The following PCDH9 variants were observed in gnomAD, a reference collection of about 807,000 sequenced individuals.
PCDH9 encodes protocadherin 9.
PCDH9 carries 24 observed loss-of-function variants against 70.6 expected under a neutral mutation model. The observed-to-expected ratio is 0.34, with a 90% CI of 0.25 to 0.48. The LOEUF (loss-of-function observed/expected upper bound fraction) is 0.48. Among genes scored for constraint, PCDH9 ranks in the 20% least tolerant of loss-of-function variants. The pLI is 0.99. For synonymous variants in PCDH9, 562 were observed against 558.5 expected (o/e 1.01, Z -0.09); for missense variants, 1,281 against 1,503.6 (o/e 0.85, Z 2.45).
At chr13:66,620,788 C>T (rs976858881) in intron 4 of PCDH9, among the ~76,000 whole-genome samples, 1 of 151,842 alleles carries the variant, frequency 6.6e-6, no homozygotes, top group Admixed American at 6.5e-5. Flanking sequence ...ATTTCAGGAA[C>T]CTCACAAATT....
chr13:66,995,165 TTAGA>T (rs1460354178), intron 2 of PCDH9, among the ~76,000 whole-genome samples: 2 of 152,190 alleles, frequency 1.3e-5, no homozygotes, highest in Non-Finnish European at 2.9e-5. Flanking sequence ...TTATTAAATG[TTAGA>T]TAGAATAAAT....
At chr13:66,648,493 T>C (rs1284184202) in intron 3 of PCDH9, among the ~76,000 whole-genome samples, 1 of 152,242 alleles carries the variant, frequency 6.6e-6, no homozygotes, top group African/African-American at 2.4e-5. Flanking sequence ...AGAGCCACAG[T>C]GTTACTGACC....
At chr13:66,316,337 T>C (rs944146529) in intron 4 of PCDH9, among the ~76,000 whole-genome samples, 2 of 152,198 alleles carry the variant, frequency 1.3e-5, no homozygotes, top group Admixed American at 6.5e-5. Context: ...TGGGGGACTA[T>C]TATTCAGACT....
intron 3 of PCDH9, among the ~76,000 whole-genome samples, chr13:66,643,504 T>C (rs909292009): frequency 6.6e-6 from 1 of 152,076 alleles, no homozygotes; most frequent in Admixed American, 6.6e-5. Flanking sequence ...ACTTGCCCTA[T>C]GGCTTTTTAG....
intron 4 of PCDH9, among the ~76,000 whole-genome samples, chr13:66,525,010 A>G (rs1960152487): frequency 6.6e-6 from 1 of 152,040 alleles, no homozygotes; most frequent in Non-Finnish European, 1.5e-5. Context: ...GAGAGCATGA[A>G]CATGTGCTTG....
rs570096027 is a variant in PCDH9, at chr13:66,305,940, G to A, written c.3341-912C>T. On this transcript the variant is annotated intron_variant, in intron 4 of 4. Coordinates refer to ENST00000377865, the MANE Select transcript of PCDH9 (RefSeq NM_203487.3). The stretch of plus-strand genomic sequence containing the variant: ...TTCTGACTGTTTAAAATAGAAATCA[G>A]CCCTTTACTAAAAAAACAACATAAG... Among the ~76,000 whole-genome samples the A allele has an allele frequency of 5.7e-4, 86 of 152,088 alleles. 3 individuals carry two copies. The South Asian group carries it at 0.017, about 30-fold the overall frequency.
intron 3 of PCDH9, among the ~76,000 whole-genome samples, chr13:66,777,425 A>C (rs2079915290): frequency 6.6e-6 from 1 of 152,068 alleles, no homozygotes; most frequent in Non-Finnish European, 1.5e-5. Context: ...AACTCAAACA[A>C]ATTTACAAGA....
At chr13:66,905,508 G>A (rs1257676989) in intron 2 of PCDH9, among the ~76,000 whole-genome samples, 2 of 152,234 alleles carry the variant, frequency 1.3e-5, no homozygotes, top group East Asian at 1.9e-4. Flanking sequence ...CAATTCTAAT[G>A]TGTAGCCAGA....
intron 2 of PCDH9, among the ~76,000 whole-genome samples, chr13:67,010,705 G>C (rs1249559887): frequency 4.6e-5 from 7 of 151,774 alleles, no homozygotes; most frequent in Admixed American, 4.6e-4. Flanking sequence ...GTGATTTCTT[G>C]TCCTTGATGA....
chr13:66,365,104 T>C (rs952285002), intron 4 of PCDH9, among the ~76,000 whole-genome samples: 8 of 152,188 alleles, frequency 5.3e-5, no homozygotes, highest in African/African-American at 1.9e-4. Context: ...ATTTATTTCC[T>C]TTGATATGCA....
rs146379714 is a variant in PCDH9 at position 66,622,473 on chromosome 13, C to T, written c.3340+8737G>A. 8.7e-3 allele frequency among the ~76,000 whole-genome samples: 1,325 copies of T among 152,214 alleles called. 14 individuals are homozygous for T. The highest frequency in any genetic ancestry group is 0.014 in the Middle Eastern group (4 of 294). ...GCTCAGGGATTGTAAATACACCAAT[C>T]GGCACTCTGTCTCTAGCTCAAGGTT... On this transcript the variant is annotated intron_variant, in intron 4 of 4. Coordinates refer to ENST00000377865, the MANE Select transcript of PCDH9 (RefSeq NM_203487.3).
intron 2 of PCDH9, among the ~76,000 whole-genome samples, chr13:67,019,188 C>CATTT (rs749856764): frequency 9.7e-6 from 1 of 102,728 alleles, no homozygotes; most frequent in African/African-American, 3.7e-5. Context: ...GGCAGTTGCT[C>CATTT]TTTTTTTTTT....
At chr13:66,644,959 G>A (rs1056368475) in intron 3 of PCDH9, among the ~76,000 whole-genome samples, 1 of 152,078 alleles carries the variant, frequency 6.6e-6, no homozygotes, top group Non-Finnish European at 1.5e-5. Flanking sequence ...CTGACAGATG[G>A]AAGAAGATAG....
At chr13:66,565,126 A>G (rs1267284328) in intron 4 of PCDH9, among the ~76,000 whole-genome samples, 1 of 152,304 alleles carries the variant, frequency 6.6e-6, no homozygotes, top group African/African-American at 2.4e-5. Context: ...TGTGTCTTCA[A>G]ATTGTAACCT....
intron 4 of PCDH9, among the ~76,000 whole-genome samples, chr13:66,557,648 C>A (rs4884679): frequency 0.83 from 126,035 of 152,078 alleles, 52,472 homozygotes; most frequent in East Asian, 1. Context: ...GCGTTTTTAA[C>A]AGTAAAGGGA....
intron 3 of PCDH9, among the ~76,000 whole-genome samples, chr13:66,892,789 T>C (rs1177494331): frequency 6.6e-6 from 1 of 152,088 alleles, no homozygotes; most frequent in African/African-American, 2.4e-5. Context: ...ATATCTAAAA[T>C]ACAAGGTAGA....
intron 2 of PCDH9, among the ~76,000 whole-genome samples, chr13:67,099,053 A>G (rs1280424548): frequency 6.6e-6 from 1 of 152,198 alleles, no homozygotes; most frequent in Non-Finnish European, 1.5e-5. Flanking sequence ...CTGTGGATTC[A>G]TATTGTCATG....
chr13:66,589,294 GAA>G (rs1428341513), intron 4 of PCDH9, among the ~76,000 whole-genome samples: 1 of 151,960 alleles, frequency 6.6e-6, no homozygotes, highest in Non-Finnish European at 1.5e-5. Flanking sequence ...TAGATAGAAG[GAA>G]TTAATACTAG....
intron 2 of PCDH9, among the ~76,000 whole-genome samples, chr13:67,072,063 G>A (rs1016257126): frequency 1.1e-4 from 16 of 152,238 alleles, no homozygotes; most frequent in African/African-American, 3.8e-4. Flanking sequence ...ATTAAGAGAT[G>A]TAATTCTGAG....
Sources: gnomAD v4.1 joint callset for allele counts (sites outside exome capture counted in the v4.1 genomes callset) on GRCh38, gnomAD v4.1.1 for gene constraint, MANE v1.5 for transcripts, NCBI Gene and HGNC (gene_info 2026-07-23, HGNC 2026-07-21) for gene names.